Variants in DLGAP1 observed in about 807,000 individuals in gnomAD.
DLGAP1 encodes the protein DLG associated protein 1.
In DLGAP1, 11 loss-of-function variants were observed where a neutral mutation model predicts 90.8. The observed-to-expected ratio is 0.12, with a 90% confidence interval of 0.08 to 0.20. The LOEUF is 0.20. Ranked by LOEUF, DLGAP1 falls within the 10% of genes least tolerant of loss-of-function variation. The pLI is 1.00. For missense variants in DLGAP1, 1,050 were observed against 1,333.8 expected (o/e 0.79, Z 3.31); for synonymous variants, 558 against 540.7 (o/e 1.03, Z -0.44).
chr18:4,068,443 T>C (rs1183578375), intron 2 of DLGAP1, among the ~76,000 whole-genome samples: 1 of 151,832 alleles, frequency 6.6e-6, no homozygotes, highest in Non-Finnish European at 1.5e-5. Flanking sequence ...TTTCCATATA[T>C]TTACATTTGG....
chr18:3,787,878 C>T (rs1169642305), intron 5 of DLGAP1, among the ~76,000 whole-genome samples: 1 of 152,142 alleles, frequency 6.6e-6, no homozygotes, highest in Non-Finnish European at 1.5e-5. Context: ...TCTGAAGTGC[C>T]CTCACCTGCC....
intron 3 of DLGAP1, among the ~76,000 whole-genome samples, chr18:3,917,872 G>A (rs1243088052): frequency 1.3e-5 from 2 of 152,010 alleles, no homozygotes; most frequent in Non-Finnish European, 2.9e-5. Flanking sequence ...ACTAAAATAA[G>A]CACGTTTTTC....
At chr18:4,148,847 T>C (rs966308520) in intron 2 of DLGAP1, among the ~76,000 whole-genome samples, 7 of 152,234 alleles carry the variant, frequency 4.6e-5, no homozygotes, top group Non-Finnish European at 1.0e-4. Context: ...CCTCTGAGCA[T>C]ATGATCTTCT....
chr18:4,055,019 G>T (rs2075192832), intron 2 of DLGAP1, among the ~76,000 whole-genome samples: 2 of 152,170 alleles, frequency 1.3e-5, no homozygotes, highest in Admixed American at 6.5e-5. Context: ...GCAGAAAGTT[G>T]ATGGTATGTT....
At chr18:4,002,032 C>T (rs999125986) in intron 3 of DLGAP1, among the ~76,000 whole-genome samples, 1 of 34,134 alleles carries the variant, frequency 2.9e-5, no homozygotes, top group African/African-American at 2.6e-4. Context: ...TTACAACCCA[C>T]ACATATTTGG....
chr18:4,285,704 T>C (rs1448511314), intron 1 of DLGAP1, among the ~76,000 whole-genome samples: 2 of 152,152 alleles, frequency 1.3e-5, no homozygotes, highest in African/African-American at 2.4e-5. Flanking sequence ...AATAGCTGGA[T>C]TGGTTACAGG....
intron 7 of DLGAP1, among the ~76,000 whole-genome samples, chr18:3,643,171 A>T (rs2058998888): frequency 6.6e-6 from 1 of 152,216 alleles, no homozygotes; most frequent in East Asian, 1.9e-4. Flanking sequence ...AGAATTTTGA[A>T]AAGCAAAGAG....
chr18:3,753,335 T>A (rs1409646176), intron 5 of DLGAP1, among the ~76,000 whole-genome samples: 1 of 152,192 alleles, frequency 6.6e-6, no homozygotes, highest in Non-Finnish European at 1.5e-5. Flanking sequence ...TGCACCCTTT[T>A]GGAGCTCTGT....
intron 2 of DLGAP1, among the ~76,000 whole-genome samples, chr18:4,111,170 T>A (rs1568402822): frequency 1.3e-5 from 2 of 152,188 alleles, no homozygotes; most frequent in African/African-American, 2.4e-5. Flanking sequence ...TAAGATGATC[T>A]TCTGAGTTTT....
rs550735406 is a variant in DLGAP1, at chr18:3,569,046, A to G, written c.1966-1465T>C. On this transcript the variant is annotated intron_variant, in intron 8 of 12. Transcript: ENST00000315677. The stretch of plus-strand genomic sequence containing the variant: ...GAGACAGAGTCTCACTCTGTCCCCC[A>G]GGCTAGAGTGCAGTGGCGCAATCTC... Among the ~76,000 whole-genome samples, 23 of 151,556 alleles carry G rather than the reference A, an allele frequency of 1.5e-4. 1 individual carries two copies. The South Asian group carries it at 4.9e-3, about 32-fold the overall frequency.
intron 6 of DLGAP1, among the ~76,000 whole-genome samples, chr18:3,737,473 G>A (rs1366822673): frequency 1.3e-4 from 19 of 141,502 alleles, no homozygotes; most frequent in Admixed American, 5.7e-4. Context: ...TTCAATATAC[G>A]CAAATCAATA....
intron 1 of DLGAP1, among the ~76,000 whole-genome samples, chr18:4,390,549 G>A (rs973924254): frequency 6.6e-6 from 1 of 151,816 alleles, no homozygotes; most frequent in African/African-American, 2.4e-5. Flanking sequence ...CTAACCCCTG[G>A]TGACCACAAA....
chr18:4,353,632 C>T (rs1244943425), intron 1 of DLGAP1, among the ~76,000 whole-genome samples: 6 of 151,866 alleles, frequency 4.0e-5, no homozygotes, highest in East Asian at 1.9e-4. Context: ...AAGGATTTTA[C>T]GTCTTAAAAC....
chr18:4,051,194 TC>T (rs1441263579), intron 2 of DLGAP1, among the ~76,000 whole-genome samples: 4 of 152,164 alleles, frequency 2.6e-5, no homozygotes, highest in Non-Finnish European at 5.9e-5. Context: ...CACTCCTGGA[TC>T]TTAGTTACCC....
chr18:4,035,749 T>C (rs1294029795), intron 2 of DLGAP1, among the ~76,000 whole-genome samples: 3 of 152,184 alleles, frequency 2.0e-5, no homozygotes, highest in African/African-American at 7.2e-5. Flanking sequence ...TAATGGTTTC[T>C]GGCTAGGATT....
chr18:3,921,474 G>GCCAGA (rs1178061205), intron 3 of DLGAP1, among the ~76,000 whole-genome samples: 1 of 152,120 alleles, frequency 6.6e-6, no homozygotes, highest in African/African-American at 2.4e-5. Flanking sequence ...TTTGAAGTCT[G>GCCAGA]GCTCTATCCA....
At chr18:4,047,660 T>C (rs868783490) in intron 2 of DLGAP1, among the ~76,000 whole-genome samples, 7 of 152,338 alleles carry the variant, frequency 4.6e-5, no homozygotes, top group Middle Eastern at 6.8e-3. Flanking sequence ...AAGACACATA[T>C]TATCTTTAGG....
chr18:4,122,672 G>C (rs983075336), intron 2 of DLGAP1, among the ~76,000 whole-genome samples: 2 of 152,176 alleles, frequency 1.3e-5, no homozygotes, highest in African/African-American at 4.8e-5. Context: ...CATCCAGAGA[G>C]ATCTACCTCC....
intron 1 of DLGAP1, among the ~76,000 whole-genome samples, chr18:4,391,590 C>T (rs1263575058): frequency 4.6e-5 from 7 of 152,252 alleles, no homozygotes; most frequent in South Asian, 2.1e-4. Context: ...ATTGAAGAAG[C>T]GACTACATAG....
Sources: gnomAD v4.1 joint callset for allele counts (sites outside exome capture counted in the v4.1 genomes callset) on GRCh38, gnomAD v4.1.1 for gene constraint, MANE v1.5 for transcripts, NCBI Gene and HGNC (gene_info 2026-07-23, HGNC 2026-07-21) for gene names.